The following NIBAN1 variants were observed in gnomAD, a reference collection of about 807,000 sequenced individuals.
NIBAN1 encodes the protein niban apoptosis regulator 1, also known as protein Niban 1.
A neutral mutation model predicts 75.1 loss-of-function variants in NIBAN1; 81 were observed. The ratio of observed to expected loss-of-function variants is 1.08; its 90% CI spans 0.90 to 1.30. The LOEUF is 1.30. Ranked by LOEUF, NIBAN1 falls within the 50% of genes most tolerant of loss-of-function variation. The pLI is 0.00. For missense variants in NIBAN1, 1,133 were observed against 1,128.1 expected (o/e 1.00, Z -0.06); for synonymous variants, 436 against 424.8 (o/e 1.03, Z -0.32).
chr1:184,929,325 C>T (rs1464648654), intron 1 of NIBAN1, among the ~76,000 whole-genome samples: 36 of 152,112 alleles, frequency 2.4e-4, no homozygotes, highest in Admixed American at 2.2e-3. Context: ...ACCACACAAT[C>T]ATGAAATAAA....
intron 11 of NIBAN1, 140 bp from the exon 12 acceptor site, chr1:184,803,832 C>A: frequency 1.5e-6 from 1 of 669,236 alleles, no homozygotes; most frequent in South Asian, 1.8e-5. Flanking sequence ...CCTCAGAGAT[C>A]TTTCCATGTA....
At chr1:184,894,665 A>G (rs1336656725) in intron 2 of NIBAN1, among the ~76,000 whole-genome samples, 2 of 152,202 alleles carry the variant, frequency 1.3e-5, no homozygotes, top group African/African-American at 4.8e-5. Flanking sequence ...ACACCTGCCG[A>G]TGCTGCCTCC....
intron 1 of NIBAN1, among the ~76,000 whole-genome samples, chr1:184,968,604 T>C (rs1658859112): frequency 1.3e-5 from 2 of 152,202 alleles, no homozygotes; most frequent in Non-Finnish European, 2.9e-5. Context: ...AGACAAATAC[T>C]ATAATCTTTA....
intron 5 of NIBAN1, among the ~76,000 whole-genome samples, chr1:184,876,299 A>C (rs1041589802): frequency 6.6e-5 from 10 of 152,190 alleles, no homozygotes; most frequent in African/African-American, 2.4e-4. Flanking sequence ...GGCATCATGA[A>C]TATATCCTTA....
intron 1 of NIBAN1, among the ~76,000 whole-genome samples, chr1:184,950,281 T>C (rs1658329312): frequency 1.3e-5 from 2 of 152,194 alleles, no homozygotes; most frequent in Non-Finnish European, 2.9e-5. Flanking sequence ...CACGACTTTT[T>C]TCCCAGGCCA....
intron 1 of NIBAN1, among the ~76,000 whole-genome samples, chr1:184,920,214 C>T (rs571033805): frequency 2.0e-4 from 30 of 152,246 alleles, no homozygotes; most frequent in African/African-American, 7.0e-4. Context: ...ATATGAAATA[C>T]AACCAATTAA....
rs1001682176 is a variant in NIBAN1 at position 184,974,272 on chromosome 1, C to A, written c.55+30G>T. On this transcript the variant is annotated intron_variant, in intron 1 of 13. Coordinates refer to ENST00000367511, the MANE Select transcript of NIBAN1 (RefSeq NM_052966.4). ...CCAGCCTGGTGCACGGGTCAGGGTG[C>A]TCCCCAGGCCCCCGGGCGGGCGGGC... is the stretch of plus-strand genomic sequence containing the variant. 4 of 1,541,166 alleles carry A rather than the reference C, an allele frequency of 2.6e-6. No individual in the cohort carries two copies. The African/African-American group carries it at 5.5e-5, about 21-fold the overall frequency.
At chr1:184,803,440 A>G (rs1174957096) in intron 12 of NIBAN1, 145 bp downstream of exon 12, 5 of 636,992 alleles carry the variant, frequency 7.8e-6, no homozygotes, top group Non-Finnish European at 1.4e-5. Flanking sequence ...TGAAGCTTAA[A>G]ATATTTACTA....
At chr1:184,884,951 T>A in intron 4 of NIBAN1, 151 bp from the exon 5 acceptor site, 2 of 972,242 alleles carry the variant, frequency 2.1e-6, no homozygotes, top group Non-Finnish European at 3.0e-6. Flanking sequence ...CTGGGAGCAC[T>A]GGCTCCTCTG....
chr1:184,931,034 C>G (rs866454831), intron 1 of NIBAN1, among the ~76,000 whole-genome samples: 2 of 133,894 alleles, frequency 1.5e-5, no homozygotes, highest in Non-Finnish European at 1.5e-5. Context: ...GAGTCTCACT[C>G]TGTCACCCAG....
intron 1 of NIBAN1, among the ~76,000 whole-genome samples, chr1:184,925,858 G>A (rs1657667909): frequency 6.6e-6 from 1 of 152,128 alleles, no homozygotes; most frequent in East Asian, 1.9e-4. Flanking sequence ...CAAGACGTGA[G>A]TAGTTTACAC....
At chr1:184,885,679 T>C (rs1039251285) in intron 4 of NIBAN1, among the ~76,000 whole-genome samples, 1 of 152,210 alleles carries the variant, frequency 6.6e-6, no homozygotes, top group Non-Finnish European at 1.5e-5. Context: ...GCTGTTTTTA[T>C]GCCATCAACC....
intron 9 of NIBAN1, among the ~76,000 whole-genome samples, chr1:184,813,207 G>A (rs1393292321): frequency 2.0e-5 from 3 of 152,118 alleles, no homozygotes; most frequent in Non-Finnish European, 4.4e-5. Flanking sequence ...TCTTCTGTCT[G>A]TCTGTCTATG....
chr1:184,974,295 G>A lies in NIBAN1; in HGVS notation c.55+7C>T, dbSNP rs1336058366. 1 of 1,557,284 alleles carries A rather than the reference G, an allele frequency of 6.4e-7. No individual in the cohort carries two copies. Among genetic ancestry groups the A allele is most frequent in the Non-Finnish European group, 8.6e-7 (1 of 1,158,856 alleles). On this transcript the variant is annotated splice_region_variant and intron_variant, in intron 1 of 13. Transcript: ENST00000367511. ...TGCTCCCCAGGCCCCCGGGCGGGCG[G>A]GCGTACCTCGGATGTAAGCGCACTT...
chr1:184,825,223 A>G (rs954642997), intron 6 of NIBAN1, among the ~76,000 whole-genome samples: 7 of 152,228 alleles, frequency 4.6e-5, no homozygotes, highest in African/African-American at 1.7e-4. Context: ...ACAACATGCT[A>G]CATGTGAAAT....
chr1:184,818,679 G>A lies in NIBAN1; in HGVS notation c.1132C>T (p.Gln378Ter). The change falls in exon 9 of 14, where the codon CAG becomes TAG. Residue 378 changes from glutamine to a stop codon, truncating the protein, a stop_gained. Transcript: ENST00000367511. LOFTEE classifies it high-confidence loss of function. ...LFEKEVNEVS[Q>*]NFQTTKDSVQ... ...CTGTCTTTGGTGGTCTGGAAGTTCTGGCTGACTTCATTCACCTCTTTCTCA... is the reference window on the plus strand; with the variant it reads ...CTGTCTTTGGTGGTCTGGAAGTTCTAGCTGACTTCATTCACCTCTTTCTCA... 6.2e-7 allele frequency: 1 copy of A among 1,611,532 alleles called. No individual in the cohort carries two copies. Among genetic ancestry groups the A allele is most frequent in the East Asian group, 2.2e-5 (1 of 44,852 alleles).
chr1:184,974,262 G>C (rs936636380), intron 1 of NIBAN1, 40 bp downstream of exon 1: 18 of 1,532,452 alleles, frequency 1.2e-5, no homozygotes, highest in Non-Finnish European at 1.6e-5. Flanking sequence ...CTGGTGCACG[G>C]GTCAGGGTGC....
chr1:184,878,444 T>C (rs1386515332), intron 5 of NIBAN1, among the ~76,000 whole-genome samples: 1 of 152,246 alleles, frequency 6.6e-6, no homozygotes, highest in Non-Finnish European at 1.5e-5. Context: ...AAATCATACA[T>C]GGTTTGCATT....
At position 184,800,040 on chromosome 1, in the gene NIBAN1, C is replaced by T. The variant is rs1330915627; in HGVS notation, c.1555-1850G>A. 1.0e-4 allele frequency among the ~76,000 whole-genome samples: 10 copies of T among 97,972 alleles called. 3 individuals carry two copies. The highest frequency in any genetic ancestry group is 6.8e-4 in the South Asian group (2 of 2,952). The allele number at this position is 97,972 out of a possible 152,430, so 64.3% of individuals were successfully genotyped here. A position where few individuals can be genotyped will look rare whatever the true frequency, so the allele number is the denominator to read the frequency against. ...GATTACAGGCGTGAGCCACCGCGCC[C>T]GGCCATGATTGCCATTCTAACTGGT... On this transcript the variant is annotated intron_variant, in intron 12 of 13. Transcript: ENST00000367511.
Sources: gnomAD v4.1 joint callset for allele counts (sites outside exome capture counted in the v4.1 genomes callset) on GRCh38, gnomAD v4.1.1 for gene constraint, MANE v1.5 for transcripts, NCBI Gene and HGNC (gene_info 2026-07-23, HGNC 2026-07-21) for gene names.